KCNJ6: variants seen among roughly 807,000 people sequenced by gnomAD.
The protein encoded by KCNJ6 is potassium inwardly rectifying channel subfamily J member 6.
KCNJ6 carries 9 observed loss-of-function variants against 34.2 expected under a neutral mutation model. The observed-to-expected ratio is 0.26, with a 90% CI of 0.16 to 0.46. KCNJ6 has a LOEUF of 0.46. Ranked by LOEUF, KCNJ6 falls within the 20% of genes least tolerant of loss-of-function variation. The pLI is 1.00. For synonymous variants in KCNJ6, 196 were observed against 207.1 expected, an observed-to-expected ratio of 0.95 and a Z score of 0.46; for missense variants, 236 against 531.3, an observed-to-expected ratio of 0.44 and a Z score of 5.46.
intron 2 of KCNJ6, among the ~76,000 whole-genome samples, chr21:37,749,113 C>T (rs1486764110): frequency 6.6e-6 from 1 of 152,098 alleles, no homozygotes; most frequent in East Asian, 1.9e-4. Flanking sequence ...TAATTTTAGG[C>T]AGTATAGGTC....
At chr21:37,655,231 GAGAGAGAGA>G (rs2054456756) in intron 3 of KCNJ6, among the ~76,000 whole-genome samples, 8 of 1,768 alleles carry the variant, frequency 4.5e-3, no homozygotes, top group African/African-American at 0.025. Flanking sequence ...GTGTGAGAGA[GAGAGAGAGA>G]GAGAGAGAGA....
chr21:37,807,479 G>A (rs148213331), intron 2 of KCNJ6, among the ~76,000 whole-genome samples: 2 of 152,278 alleles, frequency 1.3e-5, no homozygotes, highest in African/African-American at 2.4e-5. Context: ...GCATAACAAC[G>A]TTTCTGTCAT....
At chr21:37,747,612 C>A (rs1271562482) in intron 2 of KCNJ6, among the ~76,000 whole-genome samples, 1 of 151,968 alleles carries the variant, frequency 6.6e-6, no homozygotes, top group Non-Finnish European at 1.5e-5. Context: ...TCACAAGAGT[C>A]CTTTTAAGTG....
chr21:37,767,670 T>C (rs963629956), intron 2 of KCNJ6, among the ~76,000 whole-genome samples: 5 of 152,226 alleles, frequency 3.3e-5, no homozygotes, highest in Non-Finnish European at 7.3e-5. Context: ...TTTAAAATGA[T>C]TTAAGACTGT....
At chr21:37,767,943 A>C (rs991047618) in intron 2 of KCNJ6, among the ~76,000 whole-genome samples, 1 of 152,220 alleles carries the variant, frequency 6.6e-6, no homozygotes, top group East Asian at 1.9e-4. Flanking sequence ...ACTTAGAGGA[A>C]GACACAGAGT....
At chr21:37,808,949 T>C (rs953078284) in intron 2 of KCNJ6, among the ~76,000 whole-genome samples, 4 of 152,240 alleles carry the variant, frequency 2.6e-5, no homozygotes, top group Non-Finnish European at 4.4e-5. Context: ...TCAACCATTG[T>C]GGAAGCCAGT....
At position 37,809,688 on chromosome 21, in the gene KCNJ6, C is replaced by T. The variant is rs550231926; in HGVS notation, c.25+30970G>A. On this transcript the variant is annotated intron_variant, in intron 2 of 3. Coordinates refer to ENST00000609713, the MANE Select transcript of KCNJ6 (RefSeq NM_002240.5). ...CTGGGATTTGGGCTATTCATCATCT[C>T]CATTTTCTCCTCCTGTGGGGACACA... Among the ~76,000 whole-genome samples, 11 of 152,264 alleles carry T rather than the reference C, an allele frequency of 7.2e-5. No homozygotes were observed. The East Asian group carries it at 2.1e-3, about 29-fold the overall frequency.
chr21:37,728,650 G>C (rs1457542212), intron 2 of KCNJ6, among the ~76,000 whole-genome samples: 1 of 151,884 alleles, frequency 6.6e-6, no homozygotes, highest in African/African-American at 2.4e-5. Flanking sequence ...TTTATAACCA[G>C]TTACTAGTTA....
intron 2 of KCNJ6, among the ~76,000 whole-genome samples, chr21:37,823,505 T>C (rs2055384076): frequency 6.6e-6 from 1 of 152,168 alleles, no homozygotes; most frequent in South Asian, 2.1e-4. Flanking sequence ...GGTGATTGGA[T>C]CATGGAGGCT....
intron 3 of KCNJ6, among the ~76,000 whole-genome samples, chr21:37,707,113 C>T (rs1272185439): frequency 1.4e-4 from 10 of 73,338 alleles, no homozygotes; most frequent in South Asian, 4.5e-4. Flanking sequence ...ATGGCAGTAC[C>T]CGGGCAGAGG....
At chr21:37,717,936 C>G (rs955036974) in intron 2 of KCNJ6, among the ~76,000 whole-genome samples, 3 of 152,210 alleles carry the variant, frequency 2.0e-5, no homozygotes, top group Non-Finnish European at 2.9e-5. Context: ...CTGCAAACCC[C>G]CAGCTCCAGG....
intron 1 of KCNJ6, among the ~76,000 whole-genome samples, chr21:37,867,418 C>A (rs2055628138): frequency 6.6e-6 from 1 of 152,134 alleles, no homozygotes; most frequent in African/African-American, 2.4e-5. Context: ...TGAAAGCAAA[C>A]TGTTTTATTT....
At chr21:37,665,574 T>C (rs1399641321) in intron 3 of KCNJ6, among the ~76,000 whole-genome samples, 1 of 152,172 alleles carries the variant, frequency 6.6e-6, no homozygotes, top group Non-Finnish European at 1.5e-5. Flanking sequence ...TGAGTCTCCA[T>C]GCTGGTATGA....
intron 1 of KCNJ6, among the ~76,000 whole-genome samples, chr21:37,912,839 A>G (rs1341819110): frequency 6.6e-6 from 1 of 152,246 alleles, no homozygotes; most frequent in Non-Finnish European, 1.5e-5. Context: ...ATCTTTAGAA[A>G]CAACATGTCA....
intron 3 of KCNJ6, among the ~76,000 whole-genome samples, chr21:37,673,732 A>C (rs578225161): frequency 7.2e-5 from 11 of 152,140 alleles, no homozygotes; most frequent in Non-Finnish European, 1.5e-4. Flanking sequence ...GAAGGGAGGG[A>C]TTCTCTAGGC....
intron 2 of KCNJ6, among the ~76,000 whole-genome samples, chr21:37,826,074 CTTAT>C (rs1277593083): frequency 6.6e-6 from 1 of 152,140 alleles, no homozygotes; most frequent in Non-Finnish European, 1.5e-5. Flanking sequence ...CCCTTTCTCT[CTTAT>C]TAAGTCTGGG....
At chr21:37,738,678 T>A (rs1409303076) in intron 2 of KCNJ6, among the ~76,000 whole-genome samples, 1 of 152,238 alleles carries the variant, frequency 6.6e-6, no homozygotes, top group Non-Finnish European at 1.5e-5. Context: ...TTTCTATTTA[T>A]ACCCCTTTCC....
At position 37,888,935 on chromosome 21, in the gene KCNJ6, T is replaced by G. The variant is rs574296616; in HGVS notation, c.-28+26949A>C. ...AAGGTATAACCTGAGGCCATCAAGT[T>G]ACACCTCAGTGGAGTTCACAGAAGT... On this transcript the variant is annotated intron_variant, in intron 1 of 3. Transcript: ENST00000609713. Among the ~76,000 whole-genome samples, 62 of 152,320 alleles carry G rather than the reference T, an allele frequency of 4.1e-4. No homozygotes were observed. The South Asian group carries it at 0.013, about 32-fold the overall frequency.
intron 3 of KCNJ6, among the ~76,000 whole-genome samples, chr21:37,634,231 G>A (rs1290061492): frequency 2.0e-5 from 3 of 152,176 alleles, no homozygotes; most frequent in African/African-American, 7.2e-5. Flanking sequence ...CCAAGGTAAT[G>A]AGTAAGTTCT....
Sources: allele counts gnomAD v4.1 joint callset (sites outside exome capture counted in the v4.1 genomes callset), GRCh38; gene constraint gnomAD v4.1.1; transcripts MANE v1.5; gene names NCBI Gene and HGNC (gene_info 2026-07-23, HGNC 2026-07-21).